Variants in LYPLAL1 observed in about 807,000 individuals in gnomAD.
LYPLAL1 encodes lysophospholipase-like protein 1.
A neutral mutation model predicts 19.7 loss-of-function variants in LYPLAL1; 23 were observed. The ratio of observed to expected loss-of-function variants is 1.17; its 90% CI spans 0.84 to 1.65. The LOEUF (loss-of-function observed/expected upper bound fraction) is 1.65. Among genes scored for constraint, LYPLAL1 ranks in the 40% most tolerant of loss-of-function variants. The pLI is 0.00. For missense variants in LYPLAL1, 355 were observed against 279.4 expected, an observed-to-expected ratio of 1.27 and a Z score of -1.93; for synonymous variants, 119 against 96.3, an observed-to-expected ratio of 1.24 and a Z score of -1.38.
At position 219,211,722 on chromosome 1, in the gene LYPLAL1, A is replaced by G. The variant is rs1478197804; in HGVS notation, c.708A>G (p.Gln236=). The G allele has an allele frequency of 1.3e-6, 2 of 1,592,806 alleles. No homozygotes were observed. The highest frequency in any genetic ancestry group is 2.7e-5 in the African/African-American group (2 of 74,180). ...LTKLPGEMEK[Q]K ...AGCTGCCAGGAGAAATGGAAAAACAAAAATGAATGAATCAAGAGTGATTTG... is the reference window on the plus strand; with the variant it reads ...AGCTGCCAGGAGAAATGGAAAAACAGAAATGAATGAATCAAGAGTGATTTG... The change falls in exon 5 of 5, where the codon CAA becomes CAG. Residue 236 remains glutamine (Q), a synonymous_variant. Coordinates refer to ENST00000366928, the MANE Select transcript of LYPLAL1 (RefSeq NM_138794.5).
At chr1:219,357,987 C>T in the LYPLAL1 span, among the ~76,000 whole-genome samples, 1 of 152,080 alleles carries the variant, frequency 6.6e-6, no homozygotes, top group Admixed American at 6.6e-5. Context: ...AAACACAAAA[C>T]TGTAGAGGCA....
At chr1:219,307,771 A>G in the LYPLAL1 span, among the ~76,000 whole-genome samples, 1 of 152,170 alleles carries the variant, frequency 6.6e-6, no homozygotes, top group African/African-American at 2.4e-5. Context: ...GTAGTGAACA[A>G]GTCTCATGAG....
At chr1:219,219,494 G>A in the LYPLAL1 span, among the ~76,000 whole-genome samples, 1 of 152,202 alleles carries the variant, frequency 6.6e-6, no homozygotes, top group Non-Finnish European at 1.5e-5. Context: ...CATGTCCTCA[G>A]TGTGGTCTTC....
chr1:219,280,453 A>G, the LYPLAL1 span, among the ~76,000 whole-genome samples: 1 of 152,072 alleles, frequency 6.6e-6, no homozygotes. Flanking sequence ...CCATCACGCT[A>G]TATTTTTACC....
chr1:219,441,084 G>C, the LYPLAL1 span, among the ~76,000 whole-genome samples: 1 of 152,138 alleles, frequency 6.6e-6, no homozygotes, highest in South Asian at 2.1e-4. Context: ...TCTTACGGGG[G>C]AAATTCTACA....
intron 4 of LYPLAL1, 43 bp downstream of exon 4, chr1:219,210,690 T>C (rs1658960924): frequency 6.4e-7 from 1 of 1,555,440 alleles, no homozygotes; most frequent in Non-Finnish European, 8.7e-7. Context: ...ATATGAAATA[T>C]ATACATGTTA....
At chr1:219,281,064 G>C in the LYPLAL1 span, among the ~76,000 whole-genome samples, 9 of 152,176 alleles carry the variant, frequency 5.9e-5, no homozygotes, top group East Asian at 1.5e-3. Context: ...AAATAAATAA[G>C]TAGACAGATA....
chr1:219,354,141 GTCTCAC>G, the LYPLAL1 span, among the ~76,000 whole-genome samples: 2 of 152,150 alleles, frequency 1.3e-5, no homozygotes, highest in African/African-American at 4.8e-5. Flanking sequence ...CTATCATACA[GTCTCAC>G]AAGCAAAGAA....
At chr1:219,307,478 G>GAC in the LYPLAL1 span, among the ~76,000 whole-genome samples, 33 of 152,352 alleles carry the variant, frequency 2.2e-4, no homozygotes, top group African/African-American at 7.0e-4. Flanking sequence ...AAGCCACTGA[G>GAC]ATATGGGTAG....
At chr1:219,214,879 G>A (rs1454838533), downstream of LYPLAL1, among the ~76,000 whole-genome samples, 1 of 151,638 alleles carries the variant, frequency 6.6e-6, no homozygotes, top group Admixed American at 6.6e-5. Context: ...TAATAGAGAT[G>A]GGTTTTCACC....
the LYPLAL1 span, among the ~76,000 whole-genome samples, chr1:219,367,248 T>C: frequency 2.0e-5 from 3 of 152,202 alleles, no homozygotes; most frequent in African/African-American, 7.2e-5. Flanking sequence ...TTAATAGTAG[T>C]TCTTAAATTG....
chr1:219,408,230 G>T, the LYPLAL1 span, among the ~76,000 whole-genome samples: 1,274 of 152,286 alleles, frequency 8.4e-3, 9 homozygotes, highest in Non-Finnish European at 0.011. Flanking sequence ...CTGCAGTAAG[G>T]CTCTTTCTCT....
chr1:219,180,632 G>T (rs532403532), intron 2 of LYPLAL1, among the ~76,000 whole-genome samples: 1 of 152,300 alleles, frequency 6.6e-6, no homozygotes, highest in East Asian at 1.9e-4. Context: ...GATAGTTGAA[G>T]TTGGAAGGAA....
rs183014727 is a variant in LYPLAL1 at position 219,177,696 on chromosome 1, G to C, written c.92-1451G>C. ...TACCACCTAAATTTCTCTAGTATCT[G>C]TTTCTATCTACATCATCGCTGTAGT... On this transcript the variant is annotated intron_variant, in intron 1 of 4. Transcript: ENST00000366928. Among the ~76,000 whole-genome samples the C allele has an allele frequency of 8.1e-4, 124 of 152,252 alleles. 3 individuals carry two copies. Among genetic ancestry groups the C allele is most frequent in the Admixed American group, 8.0e-3 (123 of 15,292 alleles).
chr1:219,197,529 A>G (rs1261105239), intron 3 of LYPLAL1, among the ~76,000 whole-genome samples: 1 of 152,232 alleles, frequency 6.6e-6, no homozygotes, highest in Non-Finnish European at 1.5e-5. Flanking sequence ...AAAACCCTAG[A>G]AGTAAATCTA....
chr1:219,304,900 G>A, the LYPLAL1 span, among the ~76,000 whole-genome samples: 1 of 152,112 alleles, frequency 6.6e-6, no homozygotes, highest in African/African-American at 2.4e-5. Flanking sequence ...CGGCAAAGAG[G>A]CTTGGCTTGA....
chr1:219,424,006 T>C, the LYPLAL1 span, among the ~76,000 whole-genome samples: 4 of 149,370 alleles, frequency 2.7e-5, no homozygotes, highest in African/African-American at 4.9e-5. Flanking sequence ...CACTATAGTA[T>C]ATAATTTACT....
At chr1:219,195,042 C>G (rs991527988) in intron 3 of LYPLAL1, among the ~76,000 whole-genome samples, 4 of 152,002 alleles carry the variant, frequency 2.6e-5, no homozygotes, top group Non-Finnish European at 4.4e-5. Context: ...TTCAAATCTA[C>G]AGTCCACCAC....
chr1:219,282,042 AAAAC>A, the LYPLAL1 span, among the ~76,000 whole-genome samples: 60 of 152,164 alleles, frequency 3.9e-4, no homozygotes, highest in African/African-American at 1.4e-3. Flanking sequence ...CAAACCCCAT[AAAAC>A]AAACAAACAA....
Sources: allele counts gnomAD v4.1 joint callset (sites outside exome capture counted in the v4.1 genomes callset), GRCh38; gene constraint gnomAD v4.1.1; transcripts MANE v1.5; gene names NCBI Gene and HGNC (gene_info 2026-07-23, HGNC 2026-07-21).